SND1: variants seen among roughly 807,000 people sequenced by gnomAD.
SND1 encodes the protein staphylococcal nuclease domain-containing protein 1.
SND1 carries 38 observed loss-of-function variants against 121.7 expected under a neutral mutation model. The observed-to-expected ratio is 0.31, with a 90% CI of 0.24 to 0.41. SND1 has a LOEUF of 0.41. SND1 is among the 10% of genes least tolerant of loss of function. The pLI, the probability that SND1 is intolerant of heterozygous loss-of-function variation, is 1.00. For missense variants in SND1, 868 were observed against 1,184.6 expected (o/e 0.73, Z 3.92); for synonymous variants, 401 against 447.4 (o/e 0.90, Z 1.31).
chr7:127,845,247 G>A (rs1037552531), intron 12 of SND1, among the ~76,000 whole-genome samples: 1 of 152,210 alleles, frequency 6.6e-6, no homozygotes, highest in Non-Finnish European at 1.5e-5. Flanking sequence ...CCTCTGAAAG[G>A]AATAAGCATT....
intron 1 of SND1, among the ~76,000 whole-genome samples, chr7:127,685,525 T>G (rs2116303198): frequency 6.6e-6 from 1 of 152,366 alleles, no homozygotes; most frequent in East Asian, 1.9e-4. Flanking sequence ...TTTGAATAGC[T>G]TGGGTCGTTT....
Position 128,081,367 on chromosome 7 carries a change from C to A in SND1, c.1976C>A (p.Ala659Asp). ...TGCCGACTGAACATGCAGGTCTGGG[C>A]CCACTATGAGGAGCAGCCCGTGGAG... ...AAKQKKEKVW[A>D]HYEEQPVEEV... The change falls in exon 18 of 24, where the codon GCC becomes GAC. Residue 659 changes from alanine (A) to aspartate (D), a missense_variant. Physicochemically the swap from Ala to Asp is moderately radical, Grantham distance 126. This residue lies in a region of SND1 where 743 missense variants were observed against 1,071.3 expected (regional missense o/e 0.69). Coordinates refer to ENST00000354725, the MANE Select transcript of SND1 (RefSeq NM_014390.4). 1 of 1,614,094 alleles carries A rather than the reference C, an allele frequency of 6.2e-7. No individual in the cohort carries two copies. Among genetic ancestry groups the A allele is most frequent in the Non-Finnish European group, 8.5e-7 (1 of 1,179,990 alleles).
At chr7:127,993,135 A>G (rs1802557490) in intron 16 of SND1, among the ~76,000 whole-genome samples, 2 of 152,234 alleles carry the variant, frequency 1.3e-5, no homozygotes, top group African/African-American at 4.8e-5. Context: ...AGTATGTCCT[A>G]AACTATGAAT....
rs775828986 is a variant in SND1 at position 128,028,646 on chromosome 7, A to G, written c.1779+37590A>G. ...AAGTTGCTGTCTTTGTGTGCATTCT[A>G]TTGCATTTTATAAGTTTTTTGGGGG... On this transcript the variant is annotated intron_variant, in intron 16 of 23. Transcript: ENST00000354725. 13 of 1,580,842 alleles carry G rather than the reference A, an allele frequency of 8.2e-6. 1 individual carries two copies. The Admixed American group carries it at 1.6e-4, about 19-fold the overall frequency.
At chr7:127,847,561 C>T (rs1799088531) in intron 12 of SND1, among the ~76,000 whole-genome samples, 2 of 152,198 alleles carry the variant, frequency 1.3e-5, no homozygotes, top group Non-Finnish European at 2.9e-5. Flanking sequence ...TGTTGAATTA[C>T]ATAACTTCCT....
At chr7:127,724,162 C>T (rs1052335908) in intron 10 of SND1, among the ~76,000 whole-genome samples, 3 of 152,120 alleles carry the variant, frequency 2.0e-5, no homozygotes, top group Admixed American at 2.0e-4. Flanking sequence ...CCTTCTCTGC[C>T]TCATGGAACT....
intron 15 of SND1, among the ~76,000 whole-genome samples, chr7:127,953,362 C>T (rs765662909): frequency 6.6e-6 from 1 of 152,026 alleles, no homozygotes; most frequent in Admixed American, 6.6e-5. Flanking sequence ...ATTTTACCAC[C>T]CCACACACTT....
chr7:128,071,917 G>T (rs562044829), intron 16 of SND1, among the ~76,000 whole-genome samples: 7 of 152,304 alleles, frequency 4.6e-5, no homozygotes, highest in African/African-American at 1.7e-4. Flanking sequence ...GGCTGGCTGG[G>T]CCCAGGGACT....
At chr7:127,934,490 A>C (rs903067163) in intron 15 of SND1, among the ~76,000 whole-genome samples, 1 of 152,076 alleles carries the variant, frequency 6.6e-6, no homozygotes, top group Non-Finnish European at 1.5e-5. Context: ...AATCTGGGAG[A>C]GCAATTAAGA....
intron 16 of SND1, among the ~76,000 whole-genome samples, chr7:128,072,899 T>G (rs1313277810): frequency 6.6e-6 from 1 of 152,144 alleles, no homozygotes; most frequent in Non-Finnish European, 1.5e-5. Context: ...TTGCCAAAAT[T>G]AGAGATAGGA....
intron 11 of SND1, among the ~76,000 whole-genome samples, chr7:127,837,996 T>A (rs1468270589): frequency 6.6e-6 from 1 of 152,208 alleles, no homozygotes; most frequent in African/African-American, 2.4e-5. Flanking sequence ...ACTGCTATGT[T>A]GTTCCCCTGT....
intron 10 of SND1, among the ~76,000 whole-genome samples, chr7:127,779,400 G>T (rs979159054): frequency 6.6e-6 from 1 of 152,122 alleles, no homozygotes; most frequent in Non-Finnish European, 1.5e-5. Flanking sequence ...TATATGTATG[G>T]CTGCTACATT....
intron 16 of SND1, chr7:128,028,549 GTTTT>G (rs906874993): frequency 1.2e-6 from 1 of 831,276 alleles, no homozygotes; most frequent in South Asian, 2.5e-5. Context: ...AATATAATCT[GTTTT>G]TTTTAACCAG....
rs28636421 is a variant in SND1, at chr7:127,852,233, G to A, written c.1343+7809G>A. ...AATAATCCTGGGCGAGATGGCTCAC[G>A]TCTGTAATCCCAGCACTTTGGGAGG... On this transcript the variant is annotated intron_variant, in intron 12 of 23. Coordinates refer to ENST00000354725, the MANE Select transcript of SND1 (RefSeq NM_014390.4). Among the ~76,000 whole-genome samples the A allele has an allele frequency of 4.1e-3, 627 of 151,932 alleles. 7 individuals carry two copies. Among genetic ancestry groups the A allele is most frequent in the African/African-American group, 0.015 (602 of 41,486 alleles).
chr7:127,907,329 C>T (rs1485921577), intron 14 of SND1, among the ~76,000 whole-genome samples: 1 of 152,178 alleles, frequency 6.6e-6, no homozygotes, highest in East Asian at 1.9e-4. Flanking sequence ...CTTCCTGAAG[C>T]ATGCTGGCAA....
intron 10 of SND1, among the ~76,000 whole-genome samples, chr7:127,773,687 C>G (rs1797560040): frequency 6.6e-6 from 1 of 152,034 alleles, no homozygotes; most frequent in African/African-American, 2.4e-5. Flanking sequence ...TTCACTGTCT[C>G]CTCGAAAAAA....
chr7:127,667,392 C>T (rs1795436914), intron 1 of SND1, among the ~76,000 whole-genome samples: 1 of 152,098 alleles, frequency 6.6e-6, no homozygotes, highest in Admixed American at 6.5e-5. Context: ...TATACAGGTC[C>T]CCTACCACGT....
intron 12 of SND1, chr7:127,858,459 C>A: frequency 1.5e-6 from 1 of 664,190 alleles, no homozygotes; most frequent in South Asian, 1.6e-5. Flanking sequence ...TCTTCCAAGT[C>A]TGAGGCCTGG....
rs546047810 is a variant in SND1, at chr7:127,904,604, G to T, written c.1455-143G>T. ...CCACCAAATCCTCTTGCACAGACTG[G>T]CTACTCAGCAGTGTACAGTGTGACT... is the stretch of plus-strand genomic sequence containing the variant. On this transcript the variant is annotated intron_variant, in intron 13 of 23. Transcript: ENST00000354725. 72 of 552,650 alleles carry T rather than the reference G, an allele frequency of 1.3e-4. 1 individual carries two copies. In the South Asian group the frequency reaches 1.7e-3, roughly 13 times the overall value. The allele number at this position is 552,650 out of a possible 1,614,324, so 34.2% of individuals were successfully genotyped here.
Sources: gnomAD v4.1 joint callset for allele counts (sites outside exome capture counted in the v4.1 genomes callset) on GRCh38, gnomAD v4.1.1 for gene constraint, gnomAD v4.1.1 regional missense constraint, MANE v1.5 for transcripts, NCBI Gene and HGNC (gene_info 2026-07-23, HGNC 2026-07-21) for gene names.